TNR: variants seen among roughly 807,000 people sequenced by gnomAD.
The protein encoded by TNR is tenascin-R.
Under a neutral mutation model 150.4 loss-of-function variants are expected in TNR, and 45 were observed. That is an observed-to-expected ratio of 0.30 (90% confidence interval 0.24 to 0.38). The LOEUF (loss-of-function observed/expected upper bound fraction) is 0.38. Among genes scored for constraint, TNR ranks in the 10% least tolerant of loss-of-function variants. TNR has a pLI of 1.00. For synonymous variants in TNR, 687 were observed against 678.4 expected, an observed-to-expected ratio of 1.01 and a Z score of -0.20; for missense variants, 1,544 against 1,759.1, an observed-to-expected ratio of 0.88 and a Z score of 2.19.
chr1:175,351,113 T>TA (rs1041640480), intron 18 of TNR, among the ~76,000 whole-genome samples: 9 of 152,138 alleles, frequency 5.9e-5, no homozygotes, highest in Non-Finnish European at 1.3e-4. Context: ...TCAGCAAGAG[T>TA]AATTCATGTC....
At chr1:175,597,367 C>G (rs967821066) in intron 1 of TNR, among the ~76,000 whole-genome samples, 4 of 152,168 alleles carry the variant, frequency 2.6e-5, no homozygotes, top group African/African-American at 9.7e-5. Flanking sequence ...TGACTTTGTT[C>G]CCCACATGTC....
intron 1 of TNR, among the ~76,000 whole-genome samples, chr1:175,690,528 AG>A (rs1457457956): frequency 1.3e-5 from 2 of 152,226 alleles, no homozygotes; most frequent in Non-Finnish European, 2.9e-5. Flanking sequence ...GGTGGGAATA[AG>A]CTGGGTGGGT....
chr1:175,428,561 A>G (rs763820807), intron 2 of TNR, among the ~76,000 whole-genome samples: 1 of 152,210 alleles, frequency 6.6e-6, no homozygotes, highest in Non-Finnish European at 1.5e-5. Context: ...TATATATGAG[A>G]AAATTAAAGC....
chr1:175,717,338 A>G (rs1490323101), intron 1 of TNR, among the ~76,000 whole-genome samples: 2 of 152,180 alleles, frequency 1.3e-5, no homozygotes, highest in Non-Finnish European at 2.9e-5. Flanking sequence ...ATTGGGTACT[A>G]TGCTCAGTAC....
intron 9 of TNR, among the ~76,000 whole-genome samples, chr1:175,374,035 G>A (rs950780395): frequency 5.3e-5 from 8 of 152,198 alleles, no homozygotes; most frequent in South Asian, 2.1e-4. Context: ...TGTCTGGCCC[G>A]GGACCCCAGG....
chr1:175,681,236 A>T (rs1184547290), intron 1 of TNR, among the ~76,000 whole-genome samples: 4 of 152,216 alleles, frequency 2.6e-5, no homozygotes, highest in African/African-American at 9.6e-5. Context: ...ACAGCTCCCA[A>T]CAACGCATCA....
At chr1:175,564,140 A>C (rs1661544009) in intron 1 of TNR, among the ~76,000 whole-genome samples, 1 of 152,236 alleles carries the variant, frequency 6.6e-6, no homozygotes, top group African/African-American at 2.4e-5. Flanking sequence ...AAATTGCAGA[A>C]ATCCCACTCT....
At chr1:175,466,593 G>A (rs888334429) in intron 2 of TNR, among the ~76,000 whole-genome samples, 1 of 152,116 alleles carries the variant, frequency 6.6e-6, no homozygotes. Context: ...TTCTGGGCCA[G>A]CCAGGGTGTC....
intron 2 of TNR, among the ~76,000 whole-genome samples, chr1:175,440,432 G>A (rs961374444): frequency 1.3e-5 from 2 of 151,322 alleles, no homozygotes; most frequent in East Asian, 3.9e-4. Context: ...GCTAAATGAC[G>A]AGTTAATGGG....
intron 1 of TNR, among the ~76,000 whole-genome samples, chr1:175,673,832 T>C (rs1665775840): frequency 6.6e-6 from 1 of 152,214 alleles, no homozygotes; most frequent in Admixed American, 6.5e-5. Context: ...TGTATAGTTA[T>C]TACCGGTCGA....
At chr1:175,604,092 G>T (rs903731002) in intron 1 of TNR, among the ~76,000 whole-genome samples, 2 of 152,022 alleles carry the variant, frequency 1.3e-5, no homozygotes, top group African/African-American at 2.4e-5. Context: ...GAGTGAGGGG[G>T]TGGGGAGATG....
chr1:175,446,929 A>G (rs985383159), intron 2 of TNR, among the ~76,000 whole-genome samples: 1 of 152,118 alleles, frequency 6.6e-6, no homozygotes, highest in Non-Finnish European at 1.5e-5. Flanking sequence ...TGTGTGTTGT[A>G]TGCATGTGTG....
intron 1 of TNR, among the ~76,000 whole-genome samples, chr1:175,671,257 G>A (rs535130189): frequency 3.3e-5 from 5 of 152,326 alleles, no homozygotes; most frequent in African/African-American, 9.6e-5. Flanking sequence ...CCAGGTCATG[G>A]TGCCTACTGA....
At chr1:175,697,915 T>G (rs1236888663) in intron 1 of TNR, among the ~76,000 whole-genome samples, 3 of 152,228 alleles carry the variant, frequency 2.0e-5, no homozygotes, top group Non-Finnish European at 2.9e-5. Context: ...AGCTTCATGT[T>G]CATGGAAGGA....
chr1:175,668,208 C>A (rs571574206), intron 1 of TNR, among the ~76,000 whole-genome samples: 14 of 152,130 alleles, frequency 9.2e-5, no homozygotes, highest in Non-Finnish European at 1.8e-4. Context: ...AAGAAATTTG[C>A]TTGAGGGAAA....
At chr1:175,672,469 G>A (rs139144363) in intron 1 of TNR, among the ~76,000 whole-genome samples, 1,974 of 152,210 alleles carry the variant, frequency 0.013, 43 homozygotes, top group African/African-American at 0.042. Flanking sequence ...TAGAAGGTGG[G>A]GCAATCACAA....
At chr1:175,385,951 C>T (rs759667378) in intron 8 of TNR, 81 bp downstream of exon 8, 6 of 1,464,110 alleles carry the variant, frequency 4.1e-6, no homozygotes, top group South Asian at 1.4e-5. Context: ...ATTCCTAATA[C>T]TCCTCTTGCT....
In TNR at chr1:175,406,398, G is replaced by C; in HGVS notation, c.317C>G (p.Ser106Ter). Residue 106 changes from serine (S) to a stop codon, truncating the protein, a stop_gained, in exon 3 of 23, where the codon TCA becomes TGA. Coordinates refer to ENST00000367674, the MANE Select transcript of TNR (RefSeq NM_003285.3). LOFTEE classifies it high-confidence loss of function. ...ETLAEYMGQT[S>*]DHESQVTFTH... ...AAAGGTGACCTGGCTCTCGTGGTCT[G>C]AGGTCTGGCCCATGTACTCTGCCAG... 6.2e-7 allele frequency: 1 copy of C among 1,614,168 alleles called. No homozygotes were observed. Among genetic ancestry groups the C allele is most frequent in the Non-Finnish European group, 8.5e-7 (1 of 1,180,034 alleles).
chr1:175,365,147 A>G lies in TNR; in HGVS notation c.2450T>C (p.Met817Thr). The change falls in exon 12 of 23, where the codon ATG (methionine) becomes ACG (threonine). Residue 817 changes from methionine to threonine, a missense_variant. By Grantham distance (81) the Met-to-Thr change is moderately conservative. Coordinates refer to ENST00000367674, the MANE Select transcript of TNR (RefSeq NM_003285.3). The stretch of plus-strand genomic sequence containing the variant: ...GGTGGCATCCAGGGAGACCTCCATC[A>G]TCTCTTCCTCCTCATCCCTGGGGCT... ...NYSPRDEEEE[M>T]MEVSLDATKR... 1.2e-6 allele frequency: 2 copies of G among 1,614,090 alleles called. No homozygotes were observed. Among genetic ancestry groups the G allele is most frequent in the Non-Finnish European group, 1.7e-6 (2 of 1,180,004 alleles).
Sources: allele counts gnomAD v4.1 joint callset (sites outside exome capture counted in the v4.1 genomes callset), GRCh38; gene constraint gnomAD v4.1.1; transcripts MANE v1.5; gene names NCBI Gene and HGNC (gene_info 2026-07-23, HGNC 2026-07-21).